Variants in ANO4 observed in about 807,000 individuals in gnomAD.
ANO4 encodes the protein anoctamin-4.
Under a neutral mutation model 141.9 loss-of-function variants are expected in ANO4, and 69 were observed. The ratio of observed to expected loss-of-function variants is 0.49; its 90% CI spans 0.40 to 0.59. The LOEUF is 0.59. ANO4 is among the 20% of genes least tolerant of loss of function. ANO4 has a pLI of 0.00. For missense variants in ANO4, 894 were observed against 1,162.2 expected, an observed-to-expected ratio of 0.77 and a Z score of 3.36; for synonymous variants, 350 against 394.3, an observed-to-expected ratio of 0.89 and a Z score of 1.33.
intron 22 of ANO4, among the ~76,000 whole-genome samples, chr12:101,109,112 G>C (rs754875215): frequency 6.6e-6 from 1 of 152,106 alleles, no homozygotes; most frequent in Non-Finnish European, 1.5e-5. Context: ...CTTCAATTCA[G>C]GTTTGTCTCG....
intron 1 of ANO4, among the ~76,000 whole-genome samples, chr12:100,809,862 A>G (rs10860636): frequency 0.61 from 93,024 of 151,994 alleles, 28,745 homozygotes; most frequent in African/African-American, 0.68. Context: ...CAGTGGGCCC[A>G]GTTAGAGACT....
chr12:101,102,954 T>G (rs2050248439), intron 22 of ANO4, among the ~76,000 whole-genome samples: 1 of 151,702 alleles, frequency 6.6e-6, no homozygotes, highest in African/African-American at 2.4e-5. Context: ...TCTAGGCACC[T>G]TAGGAATCTT....
intron 15 of ANO4, 27 bp downstream of exon 15, chr12:101,079,302 G>T (rs144274871): frequency 3.2e-6 from 5 of 1,587,086 alleles, no homozygotes; most frequent in Non-Finnish European, 4.3e-6. Flanking sequence ...TCAGAATGTT[G>T]TAAAAAGCAA....
intron 8 of ANO4, among the ~76,000 whole-genome samples, chr12:101,008,811 C>T (rs1223863476): frequency 1.3e-5 from 2 of 152,150 alleles, no homozygotes; most frequent in Admixed American, 6.6e-5. Flanking sequence ...GAAAATTACT[C>T]TGGAGCCTTC....
chr12:101,078,526 C>G (rs1328751844), intron 14 of ANO4, among the ~76,000 whole-genome samples: 1 of 152,184 alleles, frequency 6.6e-6, no homozygotes, highest in African/African-American at 2.4e-5. Context: ...TCCCAGATTT[C>G]TCTGCATGGG....
chr12:100,958,033 T>C (rs958734828), intron 5 of ANO4, among the ~76,000 whole-genome samples: 1 of 152,188 alleles, frequency 6.6e-6, no homozygotes, highest in Non-Finnish European at 1.5e-5. Flanking sequence ...CATTATTTCA[T>C]GTCCCTCATT....
rs117041471 is a variant in ANO4, at chr12:100,892,762, T to C, written c.-140-8884T>C. ...TACTGTATTTTAAAATTTATTTTCC[T>C]TTATTATTGTTTTAATTGTAGTTTT... On this transcript the variant is annotated intron_variant, in intron 1 of 27. Coordinates refer to ENST00000392977, the MANE Select transcript of ANO4 (RefSeq NM_001286615.2). Among the ~76,000 whole-genome samples, 30 of 152,338 alleles carry C rather than the reference T, an allele frequency of 2.0e-4. No homozygotes were observed. The East Asian group carries it at 5.8e-3, about 29-fold the overall frequency.
chr12:100,742,188 T>A (rs2031897678), intron 3 of ANO4, among the ~76,000 whole-genome samples: 2 of 152,180 alleles, frequency 1.3e-5, no homozygotes, highest in Admixed American at 6.5e-5. Flanking sequence ...CACAAGCATG[T>A]GATAATCATT....
chr12:100,788,430 T>C (rs553652013), intron 3 of ANO4, among the ~76,000 whole-genome samples: 3 of 152,198 alleles, frequency 2.0e-5, no homozygotes, highest in Non-Finnish European at 4.4e-5. Flanking sequence ...CCTGTTTCTG[T>C]AGGGTGCAAG....
chr12:101,053,731 A>T (rs1302408381), intron 14 of ANO4, among the ~76,000 whole-genome samples: 1 of 152,108 alleles, frequency 6.6e-6, no homozygotes, highest in African/African-American at 2.4e-5. Flanking sequence ...ATGTGCACTG[A>T]CCCTACTTCC....
Position 100,939,449 on chromosome 12 carries a change from G to A in ANO4, c.295G>A (p.Glu99Lys). 1 of 1,613,276 alleles carries A rather than the reference G, an allele frequency of 6.2e-7. No homozygotes were observed. The highest frequency in any genetic ancestry group is 8.5e-7 in the Non-Finnish European group (1 of 1,179,434). ...TGCCAGCAGATTGGAAGCCGGGGGA[G>A]AGGTAAGAGTATATGATTTCTTACA... is the stretch of plus-strand genomic sequence containing the variant. The part of the protein sequence containing the change: ...DDASRLEAGG[E>K]TVPERNKSNG... Residue 99 changes from glutamate (E) to lysine (K), a missense_variant and splice_region_variant, in exon 4 of 28, where the codon GAG becomes AAG. By Grantham distance (56) the Glu-to-Lys change is moderately conservative (BLOSUM62 1). Coordinates refer to ENST00000392977, the MANE Select transcript of ANO4 (RefSeq NM_001286615.2).
At chr12:100,815,387 G>A (rs184737377) in intron 1 of ANO4, among the ~76,000 whole-genome samples, 11 of 152,166 alleles carry the variant, frequency 7.2e-5, no homozygotes, top group Non-Finnish European at 1.6e-4. Flanking sequence ...TTTGATATTT[G>A]ACACTGATTG....
At chr12:101,012,041 T>C (rs73156618) in intron 8 of ANO4, among the ~76,000 whole-genome samples, 13,063 of 152,090 alleles carry the variant, frequency 0.086, 683 homozygotes, top group South Asian at 0.15. Flanking sequence ...TAGTACCACA[T>C]ACAAAGCATC....
intron 14 of ANO4, among the ~76,000 whole-genome samples, chr12:101,060,324 T>G (rs1364219252): frequency 6.6e-6 from 1 of 152,240 alleles, no homozygotes; most frequent in African/African-American, 2.4e-5. Context: ...TTAGAATAAG[T>G]GCAATGTAGT....
chr12:100,789,032 G>A (rs962817064), intron 3 of ANO4, among the ~76,000 whole-genome samples: 3 of 152,072 alleles, frequency 2.0e-5, no homozygotes, highest in Non-Finnish European at 2.9e-5. Context: ...AGAAACAGGA[G>A]GACAGTGATT....
intron 3 of ANO4, among the ~76,000 whole-genome samples, chr12:100,763,769 T>C (rs912247671): frequency 2.0e-5 from 3 of 152,230 alleles, no homozygotes; most frequent in Non-Finnish European, 4.4e-5. Flanking sequence ...TTTCTCCCAT[T>C]CATCTATCAA....
intron 3 of ANO4, among the ~76,000 whole-genome samples, chr12:100,748,532 A>G (rs1445114839): frequency 1.3e-5 from 2 of 152,220 alleles, no homozygotes; most frequent in Non-Finnish European, 2.9e-5. Flanking sequence ...AACCAGGGCA[A>G]TATAAATTAG....
intron 26 of ANO4, among the ~76,000 whole-genome samples, chr12:101,124,948 A>G (rs1291027187): frequency 6.6e-6 from 1 of 152,144 alleles, no homozygotes; most frequent in African/African-American, 2.4e-5. Context: ...TGTCTTGGCT[A>G]TTTGGACTCT....
intron 1 of ANO4, among the ~76,000 whole-genome samples, chr12:100,879,250 C>G (rs1193391583): frequency 6.6e-6 from 1 of 152,230 alleles, no homozygotes; most frequent in East Asian, 1.9e-4. Context: ...TATTATTATG[C>G]ACTCAATTTA....
Sources: gnomAD v4.1 joint callset for allele counts (sites outside exome capture counted in the v4.1 genomes callset) on GRCh38, gnomAD v4.1.1 for gene constraint, MANE v1.5 for transcripts, NCBI Gene and HGNC (gene_info 2026-07-23, HGNC 2026-07-21) for gene names.